The following USP54 variants were observed in gnomAD, a reference collection of about 807,000 sequenced individuals.
USP54 encodes ubiquitin carboxyl-terminal hydrolase 54.
Under a neutral mutation model 170.5 loss-of-function variants are expected in USP54, and 87 were observed. The observed-to-expected ratio is 0.51, with a 90% confidence interval of 0.43 to 0.61. The LOEUF is 0.61. USP54 is among the 20% of genes least tolerant of loss of function. USP54 has a pLI of 0.00. For synonymous variants in USP54, 655 were observed against 742.8 expected (o/e 0.88, Z 1.92); for missense variants, 1,786 against 2,047.8 (o/e 0.87, Z 2.47).
rs58238181 is a variant in USP54, at chr10:73,624,159, CATATATATATATAT to C, written c.-18+1394_-18+1407del. Among the ~76,000 whole-genome samples the C allele has an allele frequency of 2.7e-3, 186 of 69,862 alleles. 2 individuals are homozygous for C. The highest frequency in any genetic ancestry group is 4.6e-3 in the South Asian group (9 of 1,938). 45.8% of individuals were successfully genotyped at this position (69,862 alleles called of 152,430 possible). On this transcript the variant is annotated intron_variant, in intron 1 of 22. Coordinates refer to the USP54 transcript ENST00000339859. ...CAGCTGAAGAAGGATTTTTAAAAGC[CATATATATATATAT>C]ATATATATATATATATATATATGTA...
chr10:73,614,517 G>T (rs150351262), intron 1 of USP54, among the ~76,000 whole-genome samples: 7 of 130,824 alleles, frequency 5.4e-5, no homozygotes, highest in Non-Finnish European at 1.1e-4. Flanking sequence ...CCGAGATCAC[G>T]CCACGGCACT....
At chr10:73,598,660 C>T (rs1482990282) in intron 1 of USP54, among the ~76,000 whole-genome samples, 1 of 151,684 alleles carries the variant, frequency 6.6e-6, no homozygotes, top group African/African-American at 2.4e-5. Context: ...ACCTGTAATC[C>T]CAGCACTTTG....
In USP54 at chr10:73,498,798, G is replaced by C. The variant is rs751417474; in HGVS notation, c.4886C>G (p.Pro1629Arg). Residue 1629 changes from proline to arginine, a missense_variant, in exon 24 of 24, where the codon CCT (proline) becomes CGT (arginine). Physicochemically the swap from Pro to Arg is moderately radical, Grantham distance 103. Transcript: ENST00000687698. ...GGGCATATCTACTCTTCGAGGACCA[G>C]GGGTTCGGGACCCTGGAACAGGATC... ...NSDPVPGSRT[P>R]GPRRVDMPPD... 3 of 1,613,426 alleles carry C rather than the reference G, an allele frequency of 1.9e-6. No homozygotes were observed. The East Asian group carries it at 6.7e-5, about 36-fold the overall frequency.
chr10:73,565,938 A>T (rs2073671320), intron 4 of USP54, among the ~76,000 whole-genome samples: 1 of 152,210 alleles, frequency 6.6e-6, no homozygotes, highest in Admixed American at 6.5e-5. Flanking sequence ...ATTTACACAA[A>T]GAAATACCAA....
intron 4 of USP54, among the ~76,000 whole-genome samples, chr10:73,553,681 C>T (rs1372019383): frequency 6.6e-6 from 1 of 152,158 alleles, no homozygotes; most frequent in African/African-American, 2.4e-5. Context: ...CAGGAAGAAC[C>T]AAAACCCAAG....
At chr10:73,590,458 T>C (rs965693277) in intron 1 of USP54, among the ~76,000 whole-genome samples, 11 of 152,158 alleles carry the variant, frequency 7.2e-5, no homozygotes, top group African/African-American at 2.4e-4. Context: ...TTATAACTGC[T>C]TGAAATACCA....
chr10:73,500,929 A>G, intron 22 of USP54, 91 bp from the exon 23 acceptor site: 12 of 1,379,216 alleles, frequency 8.7e-6, no homozygotes, highest in South Asian at 1.4e-5. Context: ...AAGCAAAGGG[A>G]AATGGAGGGA....
chr10:73,529,596 TGTCTCA>T (rs763916210), intron 15 of USP54, 78 bp downstream of exon 15: 12 of 1,470,532 alleles, frequency 8.2e-6, no homozygotes, highest in Non-Finnish European at 1.1e-5. Flanking sequence ...TCCCTCCACT[TGTCTCA>T]GCCATGCCTG....
upstream of USP54, among the ~76,000 whole-genome samples, chr10:73,594,512 T>C (rs2078563877): frequency 1.3e-5 from 2 of 152,150 alleles, no homozygotes; most frequent in Admixed American, 1.3e-4. Context: ...TCATGCAATC[T>C]TCTACCCTCA....
intron 10 of USP54, 140 bp from the exon 11 acceptor site, chr10:73,536,577 C>A (rs760620659): frequency 1.0e-6 from 1 of 969,662 alleles, no homozygotes; most frequent in Non-Finnish European, 1.4e-6. Flanking sequence ...CAAAAAAGAT[C>A]TCAGACCTAA....
intron 3 of USP54, among the ~76,000 whole-genome samples, chr10:73,574,275 C>G (rs947503910): frequency 1.3e-5 from 2 of 152,090 alleles, no homozygotes; most frequent in African/African-American, 4.8e-5. Flanking sequence ...TAGCTCTGTT[C>G]AAGTGTATCT....
In USP54 at chr10:73,620,144, C is replaced by G. The variant is rs376544154; in HGVS notation, c.-18+5423G>C. Reference sequence around the variant, plus strand: ...CCTGACCAATATGGTGAAACTCTGTCTCTACTGAAAATACAATAATTAGCT... The same window carrying G: ...CCTGACCAATATGGTGAAACTCTGTGTCTACTGAAAATACAATAATTAGCT... On this transcript the variant is annotated intron_variant, in intron 1 of 22. Transcript: ENST00000339859. 1.8e-4 allele frequency among the ~76,000 whole-genome samples: 27 copies of G among 149,938 alleles called. 1 individual carries two copies. The East Asian group carries it at 1.9e-3, about 11-fold the overall frequency.
chr10:73,573,641 T>C (rs1405533632), intron 3 of USP54, among the ~76,000 whole-genome samples: 1 of 152,152 alleles, frequency 6.6e-6, no homozygotes, highest in African/African-American at 2.4e-5. Context: ...GTGCACAGCC[T>C]GTAATCCCAG....
At chr10:73,582,070 T>C (rs568314359) in intron 1 of USP54, among the ~76,000 whole-genome samples, 1 of 152,262 alleles carries the variant, frequency 6.6e-6, no homozygotes, top group Admixed American at 6.5e-5. Flanking sequence ...TATCCCCCAC[T>C]GTATTCTTCA....
At chr10:73,610,620 C>A (rs781007005) in intron 1 of USP54, among the ~76,000 whole-genome samples, 4 of 151,462 alleles carry the variant, frequency 2.6e-5, no homozygotes, top group African/African-American at 9.7e-5. Flanking sequence ...CAAGAACTGA[C>A]ATCTATCACT....
At chr10:73,506,955 A>G (rs1024766314) in intron 20 of USP54, 1 of 152,218 alleles carries the variant, frequency 6.6e-6, no homozygotes, top group African/African-American at 2.4e-5. Flanking sequence ...GACATAATTT[A>G]TAGTAGCCAA....
intron 3 of USP54, among the ~76,000 whole-genome samples, chr10:73,572,067 C>A (rs986397056): frequency 1.3e-5 from 2 of 151,974 alleles, no homozygotes; most frequent in African/African-American, 4.8e-5. Context: ...ATAGTATATA[C>A]CCTTGATGCA....
intron 1 of USP54, among the ~76,000 whole-genome samples, chr10:73,581,273 T>C (rs1224487725): frequency 6.6e-6 from 1 of 152,172 alleles, no homozygotes; most frequent in Non-Finnish European, 1.5e-5. Context: ...AAAGCCAAAA[T>C]TGGGATGGAA....
intron 21 of USP54, 46 bp from the exon 22 acceptor site, chr10:73,505,036 T>G: frequency 6.2e-7 from 1 of 1,610,274 alleles, no homozygotes; most frequent in Non-Finnish European, 8.5e-7. Flanking sequence ...ATACCAGACT[T>G]ATGGTTTTCC....
Sources: allele counts gnomAD v4.1 joint callset (sites outside exome capture counted in the v4.1 genomes callset), GRCh38; gene constraint gnomAD v4.1.1; transcripts MANE v1.5; gene names NCBI Gene and HGNC (gene_info 2026-07-23, HGNC 2026-07-21).